SLCO4C1: variants seen among roughly 807,000 people sequenced by gnomAD.
The protein encoded by SLCO4C1 is solute carrier organic anion transporter family member 4C1.
A neutral mutation model predicts 72.1 loss-of-function variants in SLCO4C1; 58 were observed. The observed-to-expected ratio is 0.80, with a 90% CI of 0.65 to 1.00. The LOEUF (loss-of-function observed/expected upper bound fraction) is 1.00. Among genes scored for constraint, SLCO4C1 ranks in the 50% least tolerant of loss-of-function variants. SLCO4C1 has a pLI of 0.00. For synonymous variants in SLCO4C1, 297 were observed against 312.5 expected, an observed-to-expected ratio of 0.95 and a Z score of 0.52; for missense variants, 898 against 857.9, an observed-to-expected ratio of 1.05 and a Z score of -0.58.
intron 10 of SLCO4C1, among the ~76,000 whole-genome samples, chr5:102,246,969 C>T (rs1039060361): frequency 1.1e-4 from 16 of 152,128 alleles, no homozygotes; most frequent in Admixed American, 1.0e-3. Context: ...CAAAACTGAA[C>T]GTTTCTCCAG....
At position 102,235,105 on chromosome 5, in the gene SLCO4C1, A is replaced by G. The variant is rs1203058385; in HGVS notation, c.*1753T>C. ...CTAACTCCTCATTCCTTCTCCTTGA[A>G]TTTCACTTTACAATTGCGCTAGGTT... On this transcript the variant is annotated 3_prime_UTR_variant, in exon 13 of 13. Coordinates refer to ENST00000310954, the MANE Select transcript of SLCO4C1 (RefSeq NM_180991.5). 4 of 152,216 alleles carry G rather than the reference A, an allele frequency of 2.6e-5. No individual in the cohort carries two copies. Among genetic ancestry groups the G allele is most frequent in the Middle Eastern group, 3.4e-3 (1 of 294 alleles). The allele number at this position is 152,216 out of a possible 1,614,324, so 9.4% of individuals were successfully genotyped here.
At chr5:102,247,126 T>C (rs1181435179) in intron 10 of SLCO4C1, 126 bp downstream of exon 10, 2 of 583,110 alleles carry the variant, frequency 3.4e-6, no homozygotes, top group African/African-American at 1.9e-5. Context: ...ACAGAACTAA[T>C]GATCTTGTAA....
chr5:102,291,895 C>T (rs1360542523), intron 1 of SLCO4C1, among the ~76,000 whole-genome samples: 5 of 152,018 alleles, frequency 3.3e-5, no homozygotes, highest in African/African-American at 1.2e-4. Context: ...GATCTCGGCT[C>T]ACCGCCACCT....
At chr5:102,294,219 G>C (rs892297566) in intron 1 of SLCO4C1, among the ~76,000 whole-genome samples, 5 of 151,900 alleles carry the variant, frequency 3.3e-5, no homozygotes, top group Non-Finnish European at 2.9e-5. Flanking sequence ...ATAATTTTTT[G>C]TATTTTTAGT....
At position 102,239,387 on chromosome 5, in the gene SLCO4C1, C is replaced by A; in HGVS notation, c.1878G>T (p.Gly626=). The A allele has an allele frequency of 6.4e-7, 1 of 1,559,404 alleles. No homozygotes were observed. Among genetic ancestry groups the A allele is most frequent in the Non-Finnish European group, 8.7e-7 (1 of 1,155,156 alleles). Residue 626 remains glycine (G), a splice_region_variant and synonymous_variant, in exon 12 of 13, where the codon GGG becomes GGT. Transcript: ENST00000310954. The stretch of plus-strand genomic sequence containing the variant: ...CAAATATAATTGGTCCAGGAATTGT[C>A]CCTAAAAGAATTATGGGTGAAATAT... ...GIQFMVLRLL[G]TIPGPIIFGF... is the part of the protein sequence containing the mutation.
At chr5:102,256,851 C>T (rs1381672472) in intron 8 of SLCO4C1, among the ~76,000 whole-genome samples, 1 of 152,154 alleles carries the variant, frequency 6.6e-6, no homozygotes. Context: ...AAAAATCCTA[C>T]AGTATTAATC....
At position 102,263,784 on chromosome 5, in the gene SLCO4C1, G is replaced by A; in HGVS notation, c.803-4C>T. The A allele has an allele frequency of 1.2e-6, 2 of 1,608,622 alleles. No individual in the cohort carries two copies. The highest frequency in any genetic ancestry group is 1.7e-6 in the Non-Finnish European group (2 of 1,176,254). ...ATTGACATAGCATAACCGGTTCCTA[G>A]AAGAAGAACAGAGACATTGAATACA... On this transcript the variant is annotated splice_polypyrimidine_tract_variant and splice_region_variant and intron_variant, in intron 3 of 12. Transcript: ENST00000310954.
chr5:102,260,826 G>A (rs1419562588), intron 5 of SLCO4C1, among the ~76,000 whole-genome samples: 1 of 151,776 alleles, frequency 6.6e-6, no homozygotes, highest in Non-Finnish European at 1.5e-5. Context: ...TTTAATAATG[G>A]TACTGCCAAC....
At chr5:102,253,666 G>A (rs566893841) in intron 8 of SLCO4C1, among the ~76,000 whole-genome samples, 2 of 152,048 alleles carry the variant, frequency 1.3e-5, no homozygotes, top group African/African-American at 2.4e-5. Flanking sequence ...ATTTAGCTGC[G>A]TGTGATGGCA....
chr5:102,278,116 C>T (rs1047172623), intron 2 of SLCO4C1, among the ~76,000 whole-genome samples: 1 of 151,954 alleles, frequency 6.6e-6, no homozygotes, highest in Admixed American at 6.6e-5. Context: ...ACAAGAAATT[C>T]ACTTCAAATG....
At chr5:102,248,696 T>C (rs1748680621) in intron 9 of SLCO4C1, among the ~76,000 whole-genome samples, 1 of 152,172 alleles carries the variant, frequency 6.6e-6, no homozygotes, top group Non-Finnish European at 1.5e-5. Context: ...CATATAACTC[T>C]TACACATCTT....
At chr5:102,242,483 G>A (rs1263759138) in intron 10 of SLCO4C1, among the ~76,000 whole-genome samples, 1 of 152,160 alleles carries the variant, frequency 6.6e-6, no homozygotes, top group Non-Finnish European at 1.5e-5. Flanking sequence ...GGAGGATTTT[G>A]TCTTGCATCT....
chr5:102,267,400 A>G (rs1749060992), intron 3 of SLCO4C1, among the ~76,000 whole-genome samples: 1 of 151,890 alleles, frequency 6.6e-6, no homozygotes, highest in Non-Finnish European at 1.5e-5. Context: ...AGGTTTTTCA[A>G]TTTGTTGGAT....
rs561790136 is a variant in SLCO4C1 at position 102,291,423 on chromosome 5, A to C, written c.539T>G (p.Phe180Cys). 6.2e-7 allele frequency: 1 copy of C among 1,614,172 alleles called. No homozygotes were observed. Among genetic ancestry groups the C allele is most frequent in the African/African-American group, 1.3e-5 (1 of 75,060 alleles). The change falls in exon 2 of 13, where the codon TTT (phenylalanine) becomes TGT (cysteine). Residue 180 changes from phenylalanine (F) to cysteine (C), a missense_variant. Coordinates refer to ENST00000310954, the MANE Select transcript of SLCO4C1 (RefSeq NM_180991.5). ...HKPRWLAFAAFMIGLGALVFS... is the reference protein window; with the variant it reads ...HKPRWLAFAACMIGLGALVFS... ...TACAAGTGCTCCCAGTCCAATCATA[A>C]AGGCTGCAAATGCAAGCCATCTCGG... is the stretch of plus-strand genomic sequence containing the variant.
At chr5:102,278,789 G>A (rs897410034) in intron 2 of SLCO4C1, among the ~76,000 whole-genome samples, 10 of 151,700 alleles carry the variant, frequency 6.6e-5, no homozygotes, top group African/African-American at 2.4e-4. Flanking sequence ...AAAATTCACT[G>A]AATTAAGTAA....
At chr5:102,273,135 A>G (rs562676928) in intron 2 of SLCO4C1, among the ~76,000 whole-genome samples, 1 of 152,240 alleles carries the variant, frequency 6.6e-6, no homozygotes, top group Admixed American at 6.5e-5. Flanking sequence ...GACAGAGAGA[A>G]TAGACTTGAG....
chr5:102,288,489 G>A (rs191321196), intron 2 of SLCO4C1, among the ~76,000 whole-genome samples: 56 of 152,124 alleles, frequency 3.7e-4, no homozygotes, highest in Non-Finnish European at 6.0e-4. Context: ...TCTCCCACCT[G>A]GACTACAATA....
At chr5:102,291,716 TACCAG>T in intron 1 of SLCO4C1, 110 bp from the exon 2 acceptor site, 2 of 921,530 alleles carry the variant, frequency 2.2e-6, no homozygotes, top group African/African-American at 1.7e-5. Flanking sequence ...TCTTAAAATG[TACCAG>T]TTTTCAAAGC....
At chr5:102,242,900 T>C (rs1748571715) in intron 10 of SLCO4C1, among the ~76,000 whole-genome samples, 1 of 152,150 alleles carries the variant, frequency 6.6e-6, no homozygotes, top group Non-Finnish European at 1.5e-5. Context: ...AAGCAGGTTA[T>C]TGGAGTCCCC....
Sources: allele counts gnomAD v4.1 joint callset (sites outside exome capture counted in the v4.1 genomes callset), GRCh38; gene constraint gnomAD v4.1.1; transcripts MANE v1.5; gene names NCBI Gene and HGNC (gene_info 2026-07-23, HGNC 2026-07-21).